The following CDK14 variants were observed in gnomAD, a reference collection of about 807,000 sequenced individuals.
The protein encoded by CDK14 is cyclin dependent kinase 14, also known as cyclin-dependent kinase 14.
Under a neutral mutation model 60.7 loss-of-function variants are expected in CDK14, and 34 were observed. The ratio of observed to expected loss-of-function variants is 0.56; its 90% CI spans 0.43 to 0.75. CDK14 has a LOEUF of 0.75. CDK14 is among the 30% of genes least tolerant of loss of function. The probability of loss-of-function intolerance (pLI) is 0.00; values close to 1 mark genes in which losing one functional copy is unlikely to be tolerated. For synonymous variants in CDK14, 197 were observed against 203.7 expected, an observed-to-expected ratio of 0.97 and a Z score of 0.28; for missense variants, 482 against 564.1, an observed-to-expected ratio of 0.85 and a Z score of 1.47.
At chr7:91,053,216 C>T (rs778851458) in intron 11 of CDK14, among the ~76,000 whole-genome samples, 10 of 152,292 alleles carry the variant, frequency 6.6e-5, no homozygotes, top group Admixed American at 2.0e-4. Context: ...AGAATAACTG[C>T]ATTATAATAA....
At chr7:91,069,279 T>C (rs1003894454) in intron 11 of CDK14, among the ~76,000 whole-genome samples, 3 of 152,198 alleles carry the variant, frequency 2.0e-5, no homozygotes, top group African/African-American at 2.4e-5. Context: ...CGGCTCGTGC[T>C]TGTAATCTCA....
chr7:90,853,691 A>T (rs1344658221), intron 5 of CDK14, among the ~76,000 whole-genome samples: 1 of 152,128 alleles, frequency 6.6e-6, no homozygotes, highest in East Asian at 1.9e-4. Flanking sequence ...TGTCTGTGTT[A>T]CCTCTGTTTT....
intron 8 of CDK14, among the ~76,000 whole-genome samples, chr7:90,922,145 C>T (rs1442012910): frequency 6.6e-6 from 1 of 152,158 alleles, no homozygotes; most frequent in Non-Finnish European, 1.5e-5. Context: ...CAAAATTCAC[C>T]ATTGAAGTTA....
intron 2 of CDK14, among the ~76,000 whole-genome samples, chr7:90,691,570 AT>A (rs1801553346): frequency 6.6e-6 from 1 of 152,156 alleles, no homozygotes; most frequent in Non-Finnish European, 1.5e-5. Flanking sequence ...CTGCTGTAAA[AT>A]TGGCCTTTAT....
intron 2 of CDK14, among the ~76,000 whole-genome samples, chr7:90,724,834 T>G (rs1425795709): frequency 6.6e-6 from 1 of 152,114 alleles, no homozygotes; most frequent in African/African-American, 2.4e-5. Context: ...ATTTAATTGC[T>G]TTAGTGATGT....
chr7:91,117,907 T>A (rs900291515), intron 13 of CDK14, among the ~76,000 whole-genome samples, 158 bp from the exon 14 acceptor site: 2 of 152,130 alleles, frequency 1.3e-5, no homozygotes, highest in Non-Finnish European at 2.9e-5. Flanking sequence ...AATGTGTGTG[T>A]GCCTGCGACC....
intron 4 of CDK14, among the ~76,000 whole-genome samples, chr7:90,781,276 T>C (rs185085905): frequency 0.013 from 1,958 of 152,334 alleles, 59 homozygotes; most frequent in African/African-American, 0.045. Context: ...CGTTTTTTTC[T>C]TATAAATTTG....
intron 9 of CDK14, among the ~76,000 whole-genome samples, chr7:90,963,100 T>A (rs978938025): frequency 5.3e-5 from 8 of 151,048 alleles, no homozygotes; most frequent in African/African-American, 1.9e-4. Context: ...TGTGTGTGTG[T>A]GTGTGTGTGT....
chr7:91,006,956 T>G (rs2115785921), intron 10 of CDK14, among the ~76,000 whole-genome samples: 1 of 152,340 alleles, frequency 6.6e-6, no homozygotes, highest in Middle Eastern at 3.4e-3. Flanking sequence ...CCAATTTTGT[T>G]TTTGTTTTTG....
At chr7:90,748,837 C>G (rs118093445) in intron 4 of CDK14, among the ~76,000 whole-genome samples, 1 of 152,148 alleles carries the variant, frequency 6.6e-6, no homozygotes, top group East Asian at 1.9e-4. Context: ...GATCCTCTGG[C>G]CTCGGCCACC....
At chr7:90,884,775 T>C (rs1465404478) in intron 6 of CDK14, among the ~76,000 whole-genome samples, 3 of 151,854 alleles carry the variant, frequency 2.0e-5, no homozygotes, top group Non-Finnish European at 4.4e-5. Flanking sequence ...CTCAGAAATA[T>C]CACCACACAT....
At chr7:90,747,425 G>A (rs1343873540) in intron 3 of CDK14, among the ~76,000 whole-genome samples, 1 of 152,178 alleles carries the variant, frequency 6.6e-6, no homozygotes, top group Non-Finnish European at 1.5e-5. Flanking sequence ...AGCACTGGAA[G>A]AACAGCTATC....
At chr7:91,181,785 C>A (rs1030618152) in intron 14 of CDK14, among the ~76,000 whole-genome samples, 1 of 152,078 alleles carries the variant, frequency 6.6e-6, no homozygotes, top group African/African-American at 2.4e-5. Flanking sequence ...TTTGACCAGA[C>A]CCTAAGAATT....
intron 4 of CDK14, among the ~76,000 whole-genome samples, chr7:90,784,949 C>T (rs1805512195): frequency 6.6e-6 from 1 of 152,058 alleles, no homozygotes. Context: ...AATAACTTTG[C>T]CAAAAATCTG....
chr7:90,764,461 A>T (rs1046172987), intron 4 of CDK14, among the ~76,000 whole-genome samples: 1 of 152,198 alleles, frequency 6.6e-6, no homozygotes, highest in Non-Finnish European at 1.5e-5. Flanking sequence ...CTCCCAGTCT[A>T]TTTAGCACTG....
At chr7:90,973,631 A>G (rs1328073256) in intron 9 of CDK14, among the ~76,000 whole-genome samples, 3 of 152,184 alleles carry the variant, frequency 2.0e-5, no homozygotes, top group Admixed American at 2.0e-4. Flanking sequence ...ATAAAGAGAA[A>G]GAATACAAAG....
chr7:90,823,151 A>G (rs1351467735), intron 5 of CDK14, among the ~76,000 whole-genome samples: 1 of 152,174 alleles, frequency 6.6e-6, no homozygotes, highest in Non-Finnish European at 1.5e-5. Context: ...GAGGCTGTCA[A>G]GCTCATCCAG....
intron 8 of CDK14, among the ~76,000 whole-genome samples, chr7:90,944,957 A>T (rs1478770141): frequency 6.6e-6 from 1 of 152,164 alleles, no homozygotes; most frequent in Non-Finnish European, 1.5e-5. Context: ...ATTTTGAAGG[A>T]TATGTAGGAG....
chr7:91,060,078 C>T lies in CDK14; in HGVS notation c.1105+14118C>T, dbSNP rs190153224. 1.4e-4 allele frequency among the ~76,000 whole-genome samples: 22 copies of T among 152,286 alleles called. No individual in the cohort carries two copies. In the East Asian group the frequency reaches 3.3e-3, roughly 23 times the overall value. ...GGTCCTAAGGACTTGCTTTATGAATCTGGGTGCTCCTTATTGGGTGCATAT... is the reference window on the plus strand; with the variant it reads ...GGTCCTAAGGACTTGCTTTATGAATTTGGGTGCTCCTTATTGGGTGCATAT... On this transcript the variant is annotated intron_variant, in intron 11 of 14. Transcript: ENST00000380050.
Sources: gnomAD v4.1 joint callset for allele counts (sites outside exome capture counted in the v4.1 genomes callset) on GRCh38, gnomAD v4.1.1 for gene constraint, MANE v1.5 for transcripts, NCBI Gene and HGNC (gene_info 2026-07-23, HGNC 2026-07-21) for gene names.